Variants in TPST1 observed in about 807,000 individuals in gnomAD.
The protein encoded by TPST1 is protein-tyrosine sulfotransferase 1.
In TPST1, 20 loss-of-function variants were observed where a neutral mutation model predicts 34.8. The observed-to-expected ratio is 0.57, with a 90% CI of 0.40 to 0.84. The LOEUF (loss-of-function observed/expected upper bound fraction) is 0.84. Ranked by LOEUF, TPST1 falls within the 40% of genes least tolerant of loss-of-function variation. The pLI, the probability that TPST1 is intolerant of heterozygous loss-of-function variation, is 0.00. For missense variants in TPST1, 353 were observed against 455.5 expected (o/e 0.78, Z 2.05); for synonymous variants, 152 against 159.4 (o/e 0.95, Z 0.35).
At chr7:66,340,009 T>A (rs1792202928) in intron 3 of TPST1, among the ~76,000 whole-genome samples, 1 of 152,090 alleles carries the variant, frequency 6.6e-6, no homozygotes. Flanking sequence ...CAGCATCCCT[T>A]CTTGATAAAA....
At chr7:66,354,559 A>T (rs1792545377) in intron 4 of TPST1, among the ~76,000 whole-genome samples, 1 of 150,644 alleles carries the variant, frequency 6.6e-6, no homozygotes, top group South Asian at 2.1e-4. Context: ...AAATTCCAAA[A>T]GCCGGTTTGC....
chr7:66,229,368 C>T (rs1789730719), intron 1 of TPST1, among the ~76,000 whole-genome samples: 1 of 152,158 alleles, frequency 6.6e-6, no homozygotes, highest in African/African-American at 2.4e-5. Context: ...CCTCGGCCTC[C>T]CAAAATGCTG....
At chr7:66,278,361 G>A (rs1037830734) in intron 2 of TPST1, among the ~76,000 whole-genome samples, 1 of 152,110 alleles carries the variant, frequency 6.6e-6, no homozygotes, top group African/African-American at 2.4e-5. Context: ...TGCCGTGCGG[G>A]TAAGGTAGAC....
rs1363056 is a variant in TPST1 at position 66,352,486 on chromosome 7, G to C, written c.1045-19G>C. 6.2e-7 allele frequency: 1 copy of C among 1,610,208 alleles called. No homozygotes were observed. Among genetic ancestry groups the C allele is most frequent in the South Asian group, 1.1e-5 (1 of 90,412 alleles). On this transcript the variant is annotated intron_variant, in intron 3 of 5. Transcript: ENST00000304842. ...ACTGGACCTGTTGCCTTAAACTCAC[G>C]CCTGCTTTGTTTTTCCAGGTCTATA...
intron 2 of TPST1, among the ~76,000 whole-genome samples, chr7:66,277,169 T>C (rs148199437): frequency 6.6e-6 from 1 of 152,324 alleles, no homozygotes; most frequent in Non-Finnish European, 1.5e-5. Context: ...TGTCCTGTCC[T>C]GGAAAGGAGC....
At chr7:66,323,574 G>A (rs900633988) in intron 3 of TPST1, among the ~76,000 whole-genome samples, 3 of 152,040 alleles carry the variant, frequency 2.0e-5, no homozygotes, top group South Asian at 2.1e-4. Context: ...GGGCTGCATC[G>A]AAACTAAAAA....
At chr7:66,313,857 T>C (rs1259940453) in intron 3 of TPST1, among the ~76,000 whole-genome samples, 1 of 152,140 alleles carries the variant, frequency 6.6e-6, no homozygotes, top group African/African-American at 2.4e-5. Flanking sequence ...TGTAGTTTTT[T>C]TTTCCTCCCC....
At chr7:66,321,646 G>A (rs1000313697) in intron 3 of TPST1, among the ~76,000 whole-genome samples, 2 of 152,332 alleles carry the variant, frequency 1.3e-5, no homozygotes, top group African/African-American at 4.8e-5. Context: ...GTACAAATTT[G>A]AGAGATAGTG....
chr7:66,297,444 C>T (rs751024634), intron 3 of TPST1, among the ~76,000 whole-genome samples: 5 of 152,172 alleles, frequency 3.3e-5, no homozygotes, highest in African/African-American at 7.2e-5. Flanking sequence ...TCTATACTTG[C>T]GGTACCTATG....
intron 2 of TPST1, among the ~76,000 whole-genome samples, chr7:66,271,048 CT>C (rs1334747668): frequency 1.3e-5 from 2 of 152,032 alleles, no homozygotes; most frequent in East Asian, 1.9e-4. Flanking sequence ...GATTCTTTTG[CT>C]TTTTTGGGGC....
intron 2 of TPST1, among the ~76,000 whole-genome samples, chr7:66,277,710 C>G (rs1304884946): frequency 3.3e-5 from 5 of 152,100 alleles, no homozygotes; most frequent in Non-Finnish European, 7.4e-5. Context: ...TGCCTAGTCA[C>G]TCTGAGTGAC....
intron 3 of TPST1, among the ~76,000 whole-genome samples, chr7:66,301,177 T>C (rs1340883344): frequency 6.6e-6 from 1 of 152,204 alleles, no homozygotes; most frequent in Non-Finnish European, 1.5e-5. Flanking sequence ...TGCATTTTTA[T>C]GTTATGGAGA....
intron 1 of TPST1, among the ~76,000 whole-genome samples, chr7:66,228,965 A>G (rs61649309): frequency 0.089 from 13,519 of 152,196 alleles, 757 homozygotes; most frequent in Non-Finnish European, 0.12. Context: ...GTGACTTTTG[A>G]TACATATATT....
intron 3 of TPST1, among the ~76,000 whole-genome samples, chr7:66,346,302 T>A (rs748602223): frequency 4.6e-5 from 7 of 152,290 alleles, no homozygotes; most frequent in Middle Eastern, 3.4e-3. Flanking sequence ...AATGCAGATA[T>A]CTCCTTGATT....
chr7:66,271,412 C>T (rs550365992), intron 2 of TPST1, among the ~76,000 whole-genome samples: 2 of 152,304 alleles, frequency 1.3e-5, no homozygotes, highest in Non-Finnish European at 2.9e-5. Context: ...CTCCTGATCT[C>T]GTGATCTGCC....
chr7:66,336,309 C>CAAA (rs369471875), intron 3 of TPST1, among the ~76,000 whole-genome samples: 1 of 84,152 alleles, frequency 1.2e-5, no homozygotes, highest in Non-Finnish European at 2.8e-5. Flanking sequence ...GACTCCGCCT[C>CAAA]AAAAAAAAAA....
At chr7:66,316,841 G>A (rs1380100767) in intron 3 of TPST1, among the ~76,000 whole-genome samples, 2 of 152,044 alleles carry the variant, frequency 1.3e-5, no homozygotes. Context: ...CAGATACCAC[G>A]TGTTCTCACT....
At chr7:66,226,843 A>T (rs565944442) in intron 1 of TPST1, among the ~76,000 whole-genome samples, 1 of 151,970 alleles carries the variant, frequency 6.6e-6, no homozygotes, top group South Asian at 2.1e-4. Context: ...AGTCCTTATG[A>T]AATCTCTGAA....
At chr7:66,208,600 C>G (rs1317421830) in intron 1 of TPST1, among the ~76,000 whole-genome samples, 1 of 152,044 alleles carries the variant, frequency 6.6e-6, no homozygotes, top group Admixed American at 6.6e-5. Context: ...TTCCGAGTAG[C>G]TGGGATTACA....
Sources: gnomAD v4.1 joint callset for allele counts (sites outside exome capture counted in the v4.1 genomes callset) on GRCh38, gnomAD v4.1.1 for gene constraint, MANE v1.5 for transcripts, NCBI Gene and HGNC (gene_info 2026-07-23, HGNC 2026-07-21) for gene names.